The following SGCD variants were observed in gnomAD, a reference collection of about 807,000 sequenced individuals.
The protein encoded by SGCD is sarcoglycan delta, also known as delta-sarcoglycan.
Under a neutral mutation model 36.6 loss-of-function variants are expected in SGCD, and 18 were observed. That is an observed-to-expected ratio of 0.49 (90% CI 0.34 to 0.73). SGCD has a LOEUF of 0.73. Ranked by LOEUF, SGCD falls within the 30% of genes least tolerant of loss-of-function variation. The pLI is 0.01. For synonymous variants in SGCD, 133 were observed against 130.6 expected (o/e 1.02, Z -0.12); for missense variants, 387 against 346.7 (o/e 1.12, Z -0.92).
intron 1 of SGCD, among the ~76,000 whole-genome samples, chr5:155,944,285 G>C (rs924972829): frequency 3.3e-5 from 5 of 152,224 alleles, no homozygotes; most frequent in Non-Finnish European, 4.4e-5. Context: ...TGTATGGGGG[G>C]ATAAAAGTAA....
the SGCD span, among the ~76,000 whole-genome samples, chr5:155,848,032 C>CT: frequency 6.6e-6 from 1 of 152,078 alleles, no homozygotes; most frequent in Non-Finnish European, 1.5e-5. Context: ...ATTTGTGTCA[C>CT]TGGAGGTCAA....
chr5:156,456,936 A>G (rs1199042301), intron 3 of SGCD, among the ~76,000 whole-genome samples: 1 of 152,222 alleles, frequency 6.6e-6, no homozygotes, highest in Non-Finnish European at 1.5e-5. Flanking sequence ...TCTGTATTGT[A>G]GTAAAAAAAT....
chr5:155,865,433 G>A (rs1333657051), upstream of SGCD, among the ~76,000 whole-genome samples: 1 of 152,070 alleles, frequency 6.6e-6, no homozygotes, highest in Non-Finnish European at 1.5e-5. Flanking sequence ...TCTCATATAG[G>A]TATGTAGTGG....
At chr5:156,511,257 A>G (rs1296550384) in intron 4 of SGCD, among the ~76,000 whole-genome samples, 1 of 152,208 alleles carries the variant, frequency 6.6e-6, no homozygotes, top group African/African-American at 2.4e-5. Context: ...AGATATGCAT[A>G]CATAATAAAA....
chr5:155,805,329 C>G, the SGCD span, among the ~76,000 whole-genome samples: 1 of 152,084 alleles, frequency 6.6e-6, no homozygotes, highest in African/African-American at 2.4e-5. Context: ...TAGTGACTGG[C>G]AGTCTGGAAA....
intron 3 of SGCD, among the ~76,000 whole-genome samples, chr5:156,418,329 G>T (rs1773145253): frequency 6.6e-6 from 1 of 152,172 alleles, no homozygotes; most frequent in Non-Finnish European, 1.5e-5. Context: ...AAGCAGAAAG[G>T]ATATTGAGAG....
chr5:155,938,244 T>C (rs1242440674), intron 1 of SGCD, among the ~76,000 whole-genome samples: 1 of 152,206 alleles, frequency 6.6e-6, no homozygotes, highest in African/African-American at 2.4e-5. Flanking sequence ...CTGCCACCTG[T>C]CTCTTTCCAT....
At chr5:155,903,183 C>G (rs1382992168) in intron 1 of SGCD, among the ~76,000 whole-genome samples, 1 of 152,206 alleles carries the variant, frequency 6.6e-6, no homozygotes, top group Non-Finnish European at 1.5e-5. Context: ...TGCTGTGTTT[C>G]TCTCTTTCTC....
chr5:156,219,578 G>A (rs184072228), intron 3 of SGCD, among the ~76,000 whole-genome samples: 95 of 152,294 alleles, frequency 6.2e-4, no homozygotes, highest in Non-Finnish European at 1.2e-3. Context: ...GTTAAAATGA[G>A]ACCTTGTGAT....
intron 3 of SGCD, among the ~76,000 whole-genome samples, chr5:156,176,330 G>C (rs895332796): frequency 2.6e-5 from 4 of 152,090 alleles, no homozygotes; most frequent in Non-Finnish European, 5.9e-5. Flanking sequence ...TGGCTTATAG[G>C]CTTCGTTCAA....
At position 156,752,299 on chromosome 5, in the gene SGCD, A is replaced by G. The variant is rs545213300; in HGVS notation, c.576-5282A>G. Among the ~76,000 whole-genome samples the G allele has an allele frequency of 6.6e-5, 10 of 152,350 alleles. 1 individual carries two copies. The highest frequency in any genetic ancestry group is 2.4e-4 in the African/African-American group (10 of 41,586). The stretch of plus-strand genomic sequence containing the variant: ...CTAATAGTTGTTACTCCCGGGGGGA[A>G]GGAAATAGAAGGGATCAGGAAGAGG... On this transcript the variant is annotated intron_variant, in intron 7 of 8. Coordinates refer to ENST00000337851, the MANE Select transcript of SGCD (RefSeq NM_000337.6).
At chr5:156,397,761 T>G (rs1771938946) in intron 3 of SGCD, among the ~76,000 whole-genome samples, 1 of 152,174 alleles carries the variant, frequency 6.6e-6, no homozygotes, top group African/African-American at 2.4e-5. Context: ...CATAAGTCAT[T>G]GCTAAACAAG....
Position 155,886,528 on chromosome 5 carries a change from G to A in SGCD, c.-282+16104G>A, listed in dbSNP as rs966608796. Among the ~76,000 whole-genome samples, 4 of 149,876 alleles carry A rather than the reference G, an allele frequency of 2.7e-5. No individual in the cohort carries two copies. In the East Asian group the frequency reaches 7.8e-4, roughly 29 times the overall value. Reference sequence around the variant, plus strand: ...CGCGCGTGCGTGTGTGTGTGCGTGGGCGCGTGTGTGTGTGTGCATGCATGT... The same window carrying A: ...CGCGCGTGCGTGTGTGTGTGCGTGGACGCGTGTGTGTGTGTGCATGCATGT... On this transcript the variant is annotated intron_variant, in intron 1 of 9. Transcript: ENST00000517913.
At chr5:155,792,644 A>G in the SGCD span, among the ~76,000 whole-genome samples, 1 of 152,160 alleles carries the variant, frequency 6.6e-6, no homozygotes, top group African/African-American at 2.4e-5. Context: ...GCCAACAAAC[A>G]TATGAAAAAA....
At chr5:155,756,835 G>A in the SGCD span, among the ~76,000 whole-genome samples, 329 of 152,256 alleles carry the variant, frequency 2.2e-3, no homozygotes, top group Middle Eastern at 0.01. Context: ...CATTGAAATC[G>A]GCATGAGTTG....
intron 3 of SGCD, among the ~76,000 whole-genome samples, chr5:156,213,071 C>T (rs1764486485): frequency 6.6e-6 from 1 of 151,586 alleles, no homozygotes. Flanking sequence ...AATAAACAAC[C>T]TAATTTTATA....
intron 3 of SGCD, among the ~76,000 whole-genome samples, chr5:156,451,595 C>T (rs1457113208): frequency 6.6e-6 from 1 of 152,108 alleles, no homozygotes; most frequent in Non-Finnish European, 1.5e-5. Flanking sequence ...AATCTGCCCT[C>T]CAGCACTGAT....
intron 3 of SGCD, among the ~76,000 whole-genome samples, chr5:156,224,708 A>G (rs1478828020): frequency 6.6e-6 from 1 of 152,164 alleles, no homozygotes; most frequent in African/African-American, 2.4e-5. Flanking sequence ...ATACCCAGCA[A>G]ACAAGGATAC....
At chr5:156,184,963 A>T (rs147462161) in intron 3 of SGCD, among the ~76,000 whole-genome samples, 203 of 152,292 alleles carry the variant, frequency 1.3e-3, no homozygotes, top group African/African-American at 4.7e-3. Context: ...GTTTAAGGTG[A>T]CTATTCCAAT....
Sources: gnomAD v4.1 joint callset for allele counts (sites outside exome capture counted in the v4.1 genomes callset) on GRCh38, gnomAD v4.1.1 for gene constraint, MANE v1.5 for transcripts, NCBI Gene and HGNC (gene_info 2026-07-23, HGNC 2026-07-21) for gene names.